Variants in COLGALT2 observed in about 807,000 individuals in gnomAD.
The protein encoded by COLGALT2 is procollagen galactosyltransferase 2.
A neutral mutation model predicts 73.4 loss-of-function variants in COLGALT2; 49 were observed. The observed-to-expected ratio is 0.67, with a 90% confidence interval of 0.53 to 0.85. COLGALT2 has a LOEUF of 0.85. COLGALT2 is among the 40% of genes least tolerant of loss of function. The probability of loss-of-function intolerance (pLI) is 0.00; values close to 1 mark genes in which losing one functional copy is unlikely to be tolerated. For missense variants in COLGALT2, 722 were observed against 790.2 expected, an observed-to-expected ratio of 0.91 and a Z score of 1.03; for synonymous variants, 295 against 307.6, an observed-to-expected ratio of 0.96 and a Z score of 0.43.
At chr1:183,991,367 C>T (rs910291055) in intron 1 of COLGALT2, among the ~76,000 whole-genome samples, 2 of 152,150 alleles carry the variant, frequency 1.3e-5, no homozygotes, top group African/African-American at 4.8e-5. Flanking sequence ...AAAGCCATCA[C>T]ACTTTTCTCT....
intron 10 of COLGALT2, among the ~76,000 whole-genome samples, 161 bp downstream of exon 10, chr1:183,944,035 C>A (rs900541351): frequency 6.6e-6 from 1 of 152,202 alleles, no homozygotes; most frequent in East Asian, 1.9e-4. Context: ...CAGTGGCTAA[C>A]CTCTACCCAT....
intron 6 of COLGALT2, 106 bp downstream of exon 6, chr1:183,963,795 A>C: frequency 1.7e-6 from 2 of 1,195,090 alleles, no homozygotes; most frequent in Non-Finnish European, 2.3e-6. Context: ...CAGCCAGGGG[A>C]GACTGATGGC....
At chr1:183,996,107 C>T (rs559388366) in intron 1 of COLGALT2, among the ~76,000 whole-genome samples, 6 of 152,280 alleles carry the variant, frequency 3.9e-5, no homozygotes, top group African/African-American at 1.2e-4. Context: ...GCCTTGTACG[C>T]TGCCAGGCCC....
At chr1:183,945,280 G>A (rs1165661724) in intron 9 of COLGALT2, 152 bp downstream of exon 9, 1 of 925,508 alleles carries the variant, frequency 1.1e-6, no homozygotes, top group African/African-American at 1.6e-5. Context: ...TGCTGGTCTT[G>A]GGTCAGAGGG....
intron 6 of COLGALT2, among the ~76,000 whole-genome samples, chr1:183,957,233 T>C (rs1037677416): frequency 1.3e-5 from 2 of 152,190 alleles, no homozygotes; most frequent in African/African-American, 4.8e-5. Context: ...GGGATATGTA[T>C]GAGTGTCTCT....
chr1:184,014,334 T>C (rs1174204985), intron 1 of COLGALT2, among the ~76,000 whole-genome samples: 7 of 152,088 alleles, frequency 4.6e-5, no homozygotes, highest in Non-Finnish European at 1.0e-4. Context: ...GGCACTGTTA[T>C]AAAAAAGGAA....
chr1:183,987,223 G>A (rs923989431), intron 1 of COLGALT2, among the ~76,000 whole-genome samples: 1 of 152,116 alleles, frequency 6.6e-6, no homozygotes, highest in Non-Finnish European at 1.5e-5. Context: ...CCCTCTTCCT[G>A]TTTTCGTTCT....
rs1164025845 is a variant in COLGALT2 at position 183,937,449 on chromosome 1, CTT to C, written c.*1310_*1311del. 2.0e-6 allele frequency: 2 copies of C among 986,004 alleles called. No homozygotes were observed. Among genetic ancestry groups the C allele is most frequent in the East Asian group, 1.1e-4 (1 of 8,848 alleles). 61.1% of individuals were successfully genotyped at this position (986,004 alleles called of 1,614,324 possible). On this transcript the variant is annotated 3_prime_UTR_variant, in exon 12 of 12. Transcript: ENST00000361927. Reference sequence around the variant, plus strand: ...ATCTGTGAAGAAAGCAGAAAGGACTCTTAGGGGATATCTTTTGAGAAAGGGTG... The same window carrying C: ...ATCTGTGAAGAAAGCAGAAAGGACTCAGGGGATATCTTTTGAGAAAGGGTG...
intron 1 of COLGALT2, among the ~76,000 whole-genome samples, chr1:183,978,769 G>A (rs1420021772): frequency 6.6e-6 from 1 of 152,146 alleles, no homozygotes; most frequent in Non-Finnish European, 1.5e-5. Context: ...GTAAATGGTT[G>A]CATTAATAAA....
chr1:183,977,870 G>C (rs1483271330), intron 2 of COLGALT2, among the ~76,000 whole-genome samples: 4 of 138,360 alleles, frequency 2.9e-5, no homozygotes, highest in Non-Finnish European at 4.9e-5. Context: ...AGAAAAGAAA[G>C]AAAAGAAGGA....
chr1:183,950,475 A>T (rs920700438), intron 8 of COLGALT2, among the ~76,000 whole-genome samples: 15 of 102,508 alleles, frequency 1.5e-4, no homozygotes, highest in Admixed American at 8.7e-4. Context: ...TGAACAAAAT[A>T]AAAAAAAAAA....
At chr1:183,942,084 G>A (rs1670129870) in intron 10 of COLGALT2, among the ~76,000 whole-genome samples, 1 of 151,962 alleles carries the variant, frequency 6.6e-6, no homozygotes, top group East Asian at 1.9e-4. Flanking sequence ...GAGTAGCTGG[G>A]ACTACAGGAG....
chr1:184,037,120 A>C lies in COLGALT2; in HGVS notation c.238T>G (p.Tyr80Asp), dbSNP rs1649709722. Residue 80 changes from tyrosine to aspartate, a missense_variant, in exon 1 of 12, where the codon TAC (tyrosine) becomes GAC (aspartate). Tyr to Asp is a radical substitution (Grantham distance 160). Coordinates refer to ENST00000361927, the MANE Select transcript of COLGALT2 (RefSeq NM_015101.4). ...HFLGCLERLDYPKSRMAIWAA... is the reference protein window; with the variant it reads ...HFLGCLERLDDPKSRMAIWAA... ...CAGATGGCCATCCTGCTCTTGGGGT[A>C]GTCCAGCCGCTCCAGGCAGCCGAGG... 1 of 1,595,560 alleles carries C rather than the reference A, an allele frequency of 6.3e-7. No individual in the cohort carries two copies. The highest frequency in any genetic ancestry group is 1.1e-5 in the South Asian group (1 of 89,804).
At chr1:183,978,555 G>A (rs764065782) in intron 1 of COLGALT2, 35 bp from the exon 2 acceptor site, 19 of 1,291,412 alleles carry the variant, frequency 1.5e-5, no homozygotes, top group Non-Finnish European at 2.1e-5. Context: ...GTTTAACTAT[G>A]TCATCCAATG....
chr1:183,998,107 T>C (rs185756158), intron 1 of COLGALT2, among the ~76,000 whole-genome samples: 14 of 152,316 alleles, frequency 9.2e-5, no homozygotes, highest in African/African-American at 2.9e-4. Flanking sequence ...TTGCACCAAT[T>C]GATAGTCCCA....
Position 183,937,706 on chromosome 1 carries a change from G to A in COLGALT2, c.*1055C>T. The A allele has an allele frequency of 1.0e-6, 1 of 985,424 alleles. No homozygotes were observed. Among genetic ancestry groups the A allele is most frequent in the Non-Finnish European group, 1.2e-6 (1 of 829,928 alleles). 61.0% of individuals were successfully genotyped at this position (985,424 alleles called of 1,614,324 possible). A position where few individuals can be genotyped will look rare whatever the true frequency, so the allele number is the denominator to read the frequency against. ...ACTCCCCCGGGTGCCGTGGAAGTCT[G>A]CAACATCTGTTTCTCTGCCTTATCC... On this transcript the variant is annotated 3_prime_UTR_variant, in exon 12 of 12. Coordinates refer to ENST00000361927, the MANE Select transcript of COLGALT2 (RefSeq NM_015101.4).
intron 9 of COLGALT2, 139 bp downstream of exon 9, chr1:183,945,293 A>C (rs1422045453): frequency 1.4e-5 from 14 of 1,029,952 alleles, no homozygotes; most frequent in Admixed American, 4.8e-5. Context: ...TCAGAGGGAG[A>C]CACAAGGCAG....
intron 2 of COLGALT2, among the ~76,000 whole-genome samples, chr1:183,976,049 T>G (rs1352849125): frequency 6.6e-6 from 1 of 152,232 alleles, no homozygotes; most frequent in African/African-American, 2.4e-5. Context: ...AGTTATTGTT[T>G]CAATGAAAAT....
chr1:184,037,644 G>T lies in COLGALT2; in HGVS notation c.-287C>A. 9.6e-7 allele frequency: 1 copy of T among 1,043,162 alleles called. No homozygotes were observed. The highest frequency in any genetic ancestry group is 4.5e-4 in the Middle Eastern group (1 of 2,242). The allele number at this position is 1,043,162 out of a possible 1,614,324, so 64.6% of individuals were successfully genotyped here. ...GACAGTAGTGGCCGAGGGGCTGTGT[G>T]CCCTGAGTCCTGAGGAAAGTTCCTC... is the stretch of plus-strand genomic sequence containing the variant. On this transcript the variant is annotated 5_prime_UTR_variant, in exon 1 of 12. Coordinates refer to ENST00000361927, the MANE Select transcript of COLGALT2 (RefSeq NM_015101.4).
Sources: allele counts gnomAD v4.1 joint callset (sites outside exome capture counted in the v4.1 genomes callset), GRCh38; gene constraint gnomAD v4.1.1; transcripts MANE v1.5; gene names NCBI Gene and HGNC (gene_info 2026-07-23, HGNC 2026-07-21).